Variants in KAZN observed in about 807,000 individuals in gnomAD.
KAZN encodes kazrin.
A neutral mutation model predicts 87.4 loss-of-function variants in KAZN; 40 were observed. That is an observed-to-expected ratio of 0.46 (90% CI 0.36 to 0.60). KAZN has a LOEUF of 0.60. Ranked by LOEUF, KAZN falls within the 20% of genes least tolerant of loss-of-function variation. The pLI is 0.00. For synonymous variants in KAZN, 466 were observed against 458.3 expected, an observed-to-expected ratio of 1.02 and a Z score of -0.22; for missense variants, 898 against 1,073.9, an observed-to-expected ratio of 0.84 and a Z score of 2.29.
At chr1:14,238,960 T>G (rs1342537368) in intron 2 of KAZN, among the ~76,000 whole-genome samples, 2 of 152,238 alleles carry the variant, frequency 1.3e-5, no homozygotes, top group African/African-American at 4.8e-5. Context: ...AGCTGAGGAC[T>G]GTGGTTTCAT....
intron 2 of KAZN, among the ~76,000 whole-genome samples, chr1:14,458,707 T>C (rs1398539632): frequency 6.6e-6 from 1 of 152,206 alleles, no homozygotes; most frequent in Non-Finnish European, 1.5e-5. Context: ...AGGGTTCTCA[T>C]TTTGTCAAGA....
intron 1 of KAZN, among the ~76,000 whole-genome samples, chr1:14,848,790 C>A (rs534493883): frequency 6.6e-6 from 1 of 152,188 alleles, no homozygotes; most frequent in Non-Finnish European, 1.5e-5. Flanking sequence ...GGCCATGAAG[C>A]GGGGACATTT....
chr1:14,105,919 C>G (rs375476599), intron 1 of KAZN, among the ~76,000 whole-genome samples: 1 of 152,224 alleles, frequency 6.6e-6, no homozygotes, highest in Admixed American at 6.5e-5. Flanking sequence ...GGGAAAGATA[C>G]TTTTAACCTA....
At chr1:14,273,896 T>A (rs1182790019) in intron 2 of KAZN, among the ~76,000 whole-genome samples, 2 of 152,208 alleles carry the variant, frequency 1.3e-5, no homozygotes, top group African/African-American at 4.8e-5. Context: ...GTAAAAGCGC[T>A]TGGGTGAAAG....
At chr1:13,983,404 G>A (rs922256226) in intron 1 of KAZN, among the ~76,000 whole-genome samples, 1 of 152,236 alleles carries the variant, frequency 6.6e-6, no homozygotes, top group Non-Finnish European at 1.5e-5. Context: ...CCATTGGCCC[G>A]GGTGCTAAGT....
chr1:14,332,640 C>T (rs751223726), intron 2 of KAZN, among the ~76,000 whole-genome samples: 4 of 152,132 alleles, frequency 2.6e-5, no homozygotes, highest in Non-Finnish European at 5.9e-5. Flanking sequence ...ATTGCACCTC[C>T]TATGGAACAA....
intron 2 of KAZN, among the ~76,000 whole-genome samples, chr1:15,015,961 G>T (rs1670046266): frequency 6.6e-6 from 1 of 152,152 alleles, no homozygotes; most frequent in African/African-American, 2.4e-5. Flanking sequence ...GCTCTGCTGG[G>T]TTGAACAGTG....
At chr1:14,514,428 T>A (rs1431642178) in intron 2 of KAZN, among the ~76,000 whole-genome samples, 1 of 33,050 alleles carries the variant, frequency 3.0e-5, no homozygotes, top group Non-Finnish European at 5.6e-5. Context: ...ATATATATAA[T>A]ATATATAATT....
intron 2 of KAZN, among the ~76,000 whole-genome samples, chr1:14,498,395 GA>G (rs1670066212): frequency 6.6e-6 from 1 of 152,202 alleles, no homozygotes; most frequent in African/African-American, 2.4e-5. Flanking sequence ...AGATGCCAAA[GA>G]AAACTGGAGG....
chr1:14,072,594 A>G (rs1424483715), intron 1 of KAZN, among the ~76,000 whole-genome samples: 1 of 152,178 alleles, frequency 6.6e-6, no homozygotes, highest in Non-Finnish European at 1.5e-5. Context: ...TTACAATAAT[A>G]ATTATGAAAG....
At chr1:14,071,761 A>G (rs563836045) in intron 1 of KAZN, among the ~76,000 whole-genome samples, 6 of 152,218 alleles carry the variant, frequency 3.9e-5, no homozygotes, top group African/African-American at 1.2e-4. Context: ...GCCTTTGTGG[A>G]CTCCCAGAAA....
intron 2 of KAZN, among the ~76,000 whole-genome samples, chr1:14,997,732 T>C (rs1300067486): frequency 6.6e-6 from 1 of 151,300 alleles, no homozygotes; most frequent in East Asian, 2.0e-4. Flanking sequence ...GGGCTGGGAG[T>C]TGGCAGCAGG....
chr1:14,239,674 G>A (rs1387866725), intron 2 of KAZN, among the ~76,000 whole-genome samples: 2 of 151,568 alleles, frequency 1.3e-5, no homozygotes. Flanking sequence ...TGGTCAGGCT[G>A]GTCTCGAACT....
At chr1:14,575,538 C>A (rs1675127422) in intron 2 of KAZN, among the ~76,000 whole-genome samples, 1 of 152,144 alleles carries the variant, frequency 6.6e-6, no homozygotes, top group Non-Finnish European at 1.5e-5. Context: ...ATTAAGGGAG[C>A]TACCATTCAA....
At chr1:14,804,148 G>A (rs1484457650) in intron 1 of KAZN, among the ~76,000 whole-genome samples, 8 of 152,210 alleles carry the variant, frequency 5.3e-5, no homozygotes, top group African/African-American at 1.9e-4. Context: ...GACATGGTCT[G>A]TGCTGTCCCC....
chr1:14,527,666 T>A (rs1229250606), intron 2 of KAZN, among the ~76,000 whole-genome samples: 5 of 151,848 alleles, frequency 3.3e-5, no homozygotes, highest in Non-Finnish European at 7.4e-5. Context: ...CTGCTTCCAC[T>A]TATGGTAGAG....
At chr1:14,350,387 G>A (rs1294386258) in intron 2 of KAZN, among the ~76,000 whole-genome samples, 1 of 152,228 alleles carries the variant, frequency 6.6e-6, no homozygotes, top group African/African-American at 2.4e-5. Flanking sequence ...ATGAGATGCA[G>A]TGAGTGCTCG....
Position 14,949,984 on chromosome 1 carries a change from T to C in KAZN, c.227-10700T>C, listed in dbSNP as rs913067221. On this transcript the variant is annotated intron_variant, in intron 1 of 14. Transcript: ENST00000376030. This position sits in a 1 kb window ranked among gnomAD's most constrained non-coding sequence, Gnocchi z 4.3. Reference sequence around the variant, plus strand: ...CCAGCGGCTTCACCGGAAGAGCCTCTGCACGGAAGACGGTTTCAACACCAC... The same window carrying C: ...CCAGCGGCTTCACCGGAAGAGCCTCCGCACGGAAGACGGTTTCAACACCAC... Among the ~76,000 whole-genome samples, 6 of 152,074 alleles carry C rather than the reference T, an allele frequency of 3.9e-5. No homozygotes were observed. The highest frequency in any genetic ancestry group is 1.5e-4 in the African/African-American group (6 of 41,372).
intron 2 of KAZN, among the ~76,000 whole-genome samples, chr1:14,540,213 T>C (rs1369011155): frequency 6.6e-6 from 1 of 152,166 alleles, no homozygotes; most frequent in Non-Finnish European, 1.5e-5. Context: ...TGGTTTTGCT[T>C]TGAGTTTTTA....
Sources: allele counts gnomAD v4.1 joint callset (sites outside exome capture counted in the v4.1 genomes callset), GRCh38; gene constraint gnomAD v4.1.1; non-coding constraint Gnocchi (gnomAD v3.1); transcripts MANE v1.5; gene names NCBI Gene and HGNC (gene_info 2026-07-23, HGNC 2026-07-21).